RPS23: variants seen among roughly 807,000 people sequenced by gnomAD.
RPS23 encodes the protein ribosomal protein S23.
For missense variants in RPS23, 73 were observed against 174.5 expected (o/e 0.42, Z 3.28); for synonymous variants, 66 against 60.4 (o/e 1.09, Z -0.43).
rs1747766657 is a variant in RPS23, at chr5:82,276,041, G to T, written c.*68C>A. On this transcript the variant is annotated 3_prime_UTR_variant, in exon 4 of 4. Transcript: ENST00000296674. ...ACATGATCTTCGTGGTGAGAACAGG[G>T]GACAGTAAGATACAAACATTTTTTG... 7.0e-7 allele frequency: 1 copy of T among 1,431,942 alleles called. No homozygotes were observed. Among genetic ancestry groups the T allele is most frequent in the Admixed American group, 1.9e-5 (1 of 51,474 alleles). 88.7% of individuals were successfully genotyped at this position (1,431,942 alleles called of 1,614,324 possible). A position where few individuals can be genotyped will look rare whatever the true frequency, so the allele number is the denominator to read the frequency against.
At position 82,275,201 on chromosome 5, in the gene RPS23, ATACTTACTATTTGTTAACAGGAGT is replaced by A; in HGVS notation, c.*884_*907del. On this transcript the variant is annotated 3_prime_UTR_variant, in exon 4 of 4. Coordinates refer to ENST00000296674, the MANE Select transcript of RPS23 (RefSeq NM_001025.5). Reference sequence around the variant, plus strand: ...CTTTGATCAAAGGGCTAATTAACCCATACTTACTATTTGTTAACAGGAGTTTCTTACATCAGATTTAAAGCAGAA... The same window carrying A: ...CTTTGATCAAAGGGCTAATTAACCCATTCTTACATCAGATTTAAAGCAGAA... 1.4e-6 allele frequency: 1 copy of A among 702,594 alleles called. No homozygotes were observed. Among genetic ancestry groups the A allele is most frequent in the Non-Finnish European group, 2.6e-6 (1 of 384,992 alleles). The allele number at this position is 702,594 out of a possible 1,614,324, so 43.5% of individuals were successfully genotyped here.
At chr5:82,277,984 C>A in intron 1 of RPS23, 132 bp from the exon 2 acceptor site, 2 of 854,874 alleles carry the variant, frequency 2.3e-6, no homozygotes, top group South Asian at 1.8e-5. Flanking sequence ...GGCCTGTGGG[C>A]CAAACATTTG....
In RPS23 at chr5:82,273,527, A is replaced by G. The variant is rs966791669; in HGVS notation, c.*2582T>C. On this transcript the variant is annotated 3_prime_UTR_variant, in exon 4 of 4. Transcript: ENST00000296674. ...ACAGAACACAACAGGGAGTTTCACA[A>G]TTTTTTTATACAATGCTTGGAATCT... 6.7e-6 allele frequency: 1 copy of G among 148,980 alleles called. No individual in the cohort carries two copies. The highest frequency in any genetic ancestry group is 2.6e-5 in the African/African-American group (1 of 38,482). The allele number at this position is 148,980 out of a possible 1,614,324, so 9.2% of individuals were successfully genotyped here. A position where few individuals can be genotyped will look rare whatever the true frequency, so the allele number is the denominator to read the frequency against.
chr5:82,275,729 G>A lies in RPS23; in HGVS notation c.*380C>T, dbSNP rs1248847577. The A allele has an allele frequency of 2.0e-5, 5 of 244,002 alleles. No homozygotes were observed. The highest frequency in any genetic ancestry group is 1.8e-4 in the East Asian group (2 of 11,158). 15.1% of individuals were successfully genotyped at this position (244,002 alleles called of 1,614,324 possible). ...ATTTGGTAACTGAAGTGTTGCACCC[G>A]ATATGGAAAATACCAAGAATAAAAA... is the stretch of plus-strand genomic sequence containing the variant. On this transcript the variant is annotated 3_prime_UTR_variant, in exon 4 of 4. Coordinates refer to ENST00000296674, the MANE Select transcript of RPS23 (RefSeq NM_001025.5).
rs1267692402 is a variant in RPS23 at position 82,277,588 on chromosome 5, A to G, written c.164+105T>C. 15 of 1,131,200 alleles carry G rather than the reference A, an allele frequency of 1.3e-5. No homozygotes were observed. In the South Asian group the frequency reaches 1.9e-4, roughly 14 times the overall value. 70.1% of individuals were successfully genotyped at this position (1,131,200 alleles called of 1,614,324 possible). The stretch of plus-strand genomic sequence containing the variant: ...ATTTTACCCCACAATGCCCAAATGA[A>G]TACTACTACACAAAAACCTGCAATT... On this transcript the variant is annotated intron_variant, in intron 2 of 3. Coordinates refer to ENST00000296674, the MANE Select transcript of RPS23 (RefSeq NM_001025.5).
Position 82,274,743 on chromosome 5 carries a change from T to A in RPS23, c.*1366A>T, listed in dbSNP as rs542642477. 1 of 160,984 alleles carries A rather than the reference T, an allele frequency of 6.2e-6. No homozygotes were observed. Among genetic ancestry groups the A allele is most frequent in the African/African-American group, 2.4e-5 (1 of 41,744 alleles). The allele number at this position is 160,984 out of a possible 1,614,324, so 10.0% of individuals were successfully genotyped here. A position where few individuals can be genotyped will look rare whatever the true frequency, so the allele number is the denominator to read the frequency against. Reference sequence around the variant, plus strand: ...TTAAGGCTCATCCGAAAGCATCTGTTGAGCCCCTGGGAACAGCTTAGCCAA... The same window carrying A: ...TTAAGGCTCATCCGAAAGCATCTGTAGAGCCCCTGGGAACAGCTTAGCCAA... On this transcript the variant is annotated 3_prime_UTR_variant, in exon 4 of 4. Coordinates refer to ENST00000296674, the MANE Select transcript of RPS23 (RefSeq NM_001025.5).
At chr5:82,278,287 T>C in intron 1 of RPS23, 33 bp downstream of exon 1, 6 of 1,606,686 alleles carry the variant, frequency 3.7e-6, no homozygotes, top group Non-Finnish European at 5.1e-6. Context: ...AAGTCCCGCT[T>C]GCAGCGCCCT....
At position 82,273,902 on chromosome 5, in the gene RPS23, A is replaced by G. The variant is rs1036428409; in HGVS notation, c.*2207T>C. On this transcript the variant is annotated 3_prime_UTR_variant, in exon 4 of 4. Transcript: ENST00000296674. ...AGAGAGAAAAAGTTTTTTAATTTTA[A>G]TGAAATCCACCAATTTATCTATTTT... is the stretch of plus-strand genomic sequence containing the variant. The G allele has an allele frequency of 3.3e-5, 5 of 152,184 alleles. No individual in the cohort carries two copies. The highest frequency in any genetic ancestry group is 6.5e-5 in the Admixed American group (1 of 15,280). The allele number at this position is 152,184 out of a possible 1,614,324, so 9.4% of individuals were successfully genotyped here.
chr5:82,277,965 C>G (rs924951303), intron 1 of RPS23, 113 bp from the exon 2 acceptor site: 10 of 984,478 alleles, frequency 1.0e-5, no homozygotes, highest in South Asian at 1.6e-5. Flanking sequence ...GGCTCTCGTA[C>G]TATTTATTGG....
chr5:82,278,063 G>A (rs901586152), intron 1 of RPS23: 3 of 657,688 alleles, frequency 4.6e-6, no homozygotes, highest in Middle Eastern at 8.2e-4. Flanking sequence ...TTCTCCCGAA[G>A]GACGAGGCCC....
In RPS23 at chr5:82,275,190, C is replaced by G; in HGVS notation, c.*919G>C. ...GTAAAGCTAGGCTTTGATCAAAGGG[C>G]TAATTAACCCATACTTACTATTTGT... On this transcript the variant is annotated 3_prime_UTR_variant, in exon 4 of 4. Coordinates refer to ENST00000296674, the MANE Select transcript of RPS23 (RefSeq NM_001025.5). 2 of 702,120 alleles carry G rather than the reference C, an allele frequency of 2.8e-6. No homozygotes were observed. The highest frequency in any genetic ancestry group is 3.0e-5 in the South Asian group (2 of 67,458). The allele number at this position is 702,120 out of a possible 1,614,324, so 43.5% of individuals were successfully genotyped here.
At chr5:82,278,126 G>T in intron 1 of RPS23, 194 bp downstream of exon 1, 1 of 740,346 alleles carries the variant, frequency 1.4e-6, no homozygotes, top group East Asian at 2.7e-5. Flanking sequence ...TCGGTACCCC[G>T]ACCTCGGCGG....
At chr5:82,277,127 G>C (rs1185378293) in intron 2 of RPS23, among the ~76,000 whole-genome samples, 1 of 146,744 alleles carries the variant, frequency 6.8e-6, no homozygotes, top group Non-Finnish European at 1.5e-5. Flanking sequence ...TAAGGTTGCA[G>C]GGAGTCTTGC....
intron 2 of RPS23, 134 bp from the exon 3 acceptor site, chr5:82,276,652 G>A (rs1365988109): frequency 9.7e-7 from 1 of 1,035,124 alleles, no homozygotes; most frequent in Non-Finnish European, 1.4e-6. Flanking sequence ...GAAGTCCTGT[G>A]ATGTCAACCT....
At chr5:82,276,556 C>A in intron 2 of RPS23, 38 bp from the exon 3 acceptor site, 1 of 1,609,124 alleles carries the variant, frequency 6.2e-7, no homozygotes, top group Non-Finnish European at 8.5e-7. Context: ...AGCTGGCTTT[C>A]TGAAAAAGAT....
rs1191031356 is a variant in RPS23, at chr5:82,274,319, C to T, written c.*1790G>A. 1 of 152,798 alleles carries T rather than the reference C, an allele frequency of 6.5e-6. No homozygotes were observed. The highest frequency in any genetic ancestry group is 1.5e-5 in the Non-Finnish European group (1 of 68,604). 9.5% of individuals were successfully genotyped at this position (152,798 alleles called of 1,614,324 possible). ...GGGGCCACACAGAGAAAGGAGAAGG[C>T]ACTAAGATCAGGCTCAGCAGCTTCT... On this transcript the variant is annotated 3_prime_UTR_variant, in exon 4 of 4. Coordinates refer to ENST00000296674, the MANE Select transcript of RPS23 (RefSeq NM_001025.5).
Position 82,275,963 on chromosome 5 carries a change from T to A in RPS23, c.*146A>T. 4.2e-6 allele frequency: 3 copies of A among 707,230 alleles called. No homozygotes were observed. The East Asian group carries it at 8.0e-5, about 19-fold the overall frequency. 43.8% of individuals were successfully genotyped at this position (707,230 alleles called of 1,614,324 possible). On this transcript the variant is annotated 3_prime_UTR_variant, in exon 4 of 4. Coordinates refer to ENST00000296674, the MANE Select transcript of RPS23 (RefSeq NM_001025.5). ...TGTCTCCTAAAATTGGTACAGGTCC[T>A]GCGTTTGCTGGTTTAGGATAAAAAA... is the stretch of plus-strand genomic sequence containing the variant.
Position 82,278,331 on chromosome 5 carries a change from G to A in RPS23, c.-8C>T, listed in dbSNP as rs1748023272. ...CCACAACAGCTCACCCATCCTGTCGGCGCCACGGGCCTGAGCGAAAGAGAG... is the reference window on the plus strand; with the variant it reads ...CCACAACAGCTCACCCATCCTGTCGACGCCACGGGCCTGAGCGAAAGAGAG... On this transcript the variant is annotated 5_prime_UTR_variant, in exon 1 of 4. Coordinates refer to ENST00000296674, the MANE Select transcript of RPS23 (RefSeq NM_001025.5). 6.2e-7 allele frequency: 1 copy of A among 1,609,584 alleles called. No homozygotes were observed. The highest frequency in any genetic ancestry group is 8.5e-7 in the Non-Finnish European group (1 of 1,178,336).
At chr5:82,277,477 T>G in intron 2 of RPS23, 1 of 574,382 alleles carries the variant, frequency 1.7e-6, no homozygotes, top group Non-Finnish European at 3.1e-6. Flanking sequence ...TCCAATTCCT[T>G]CCAGGCCAAC....
Sources: allele counts gnomAD v4.1 joint callset (sites outside exome capture counted in the v4.1 genomes callset), GRCh38; gene constraint gnomAD v4.1.1; transcripts MANE v1.5; gene names NCBI Gene and HGNC (gene_info 2026-07-23, HGNC 2026-07-21).